The following CLSTN2 variants were observed in gnomAD, a reference collection of about 807,000 sequenced individuals.
CLSTN2 encodes the protein calsyntenin-2.
Under a neutral mutation model 101.2 loss-of-function variants are expected in CLSTN2, and 48 were observed. The observed-to-expected ratio is 0.47, with a 90% CI of 0.38 to 0.60. CLSTN2 has a LOEUF of 0.60. CLSTN2 is among the 20% of genes least tolerant of loss of function. The pLI, the probability that CLSTN2 is intolerant of heterozygous loss-of-function variation, is 0.00. For missense variants in CLSTN2, 1,160 were observed against 1,238.2 expected (o/e 0.94, Z 0.95); for synonymous variants, 481 against 463.6 (o/e 1.04, Z -0.48).
intron 1 of CLSTN2, among the ~76,000 whole-genome samples, chr3:139,965,354 C>T (rs1296576882): frequency 6.6e-6 from 1 of 152,138 alleles, no homozygotes; most frequent in Non-Finnish European, 1.5e-5. Flanking sequence ...GGCATTTGTA[C>T]TTCTGAGAAA....
At position 140,262,276 on chromosome 3, in the gene CLSTN2, G is replaced by A. The variant is rs147023163; in HGVS notation, c.232+86203G>A. On this transcript the variant is annotated intron_variant, in intron 2 of 16. Transcript: ENST00000458420. ...AGCTCAGCATGTGAGTGGTGAAGCT[G>A]GCCTTCCAGAGGAATGAAGACATTG... 1.5e-3 allele frequency among the ~76,000 whole-genome samples: 221 copies of A among 152,282 alleles called. 1 individual carries two copies. The highest frequency in any genetic ancestry group is 5.2e-3 in the African/African-American group (215 of 41,544).
At chr3:140,485,245 T>C (rs1934212186) in intron 8 of CLSTN2, among the ~76,000 whole-genome samples, 1 of 152,224 alleles carries the variant, frequency 6.6e-6, no homozygotes, top group Non-Finnish European at 1.5e-5. Flanking sequence ...TTCCTGGGTA[T>C]CAGCAGCAGA....
At chr3:140,496,497 A>G (rs894953061) in intron 8 of CLSTN2, among the ~76,000 whole-genome samples, 3 of 152,122 alleles carry the variant, frequency 2.0e-5, no homozygotes, top group Non-Finnish European at 4.4e-5. Context: ...CTTCCAATAC[A>G]ATGTTGAATA....
chr3:140,056,255 A>G (rs921985498), intron 1 of CLSTN2, among the ~76,000 whole-genome samples: 11 of 152,222 alleles, frequency 7.2e-5, no homozygotes, highest in Admixed American at 2.0e-4. Context: ...CACCTAGCAC[A>G]GTGCCTGGTA....
chr3:140,039,958 T>C (rs1477052568), intron 1 of CLSTN2, among the ~76,000 whole-genome samples: 1 of 152,206 alleles, frequency 6.6e-6, no homozygotes, highest in East Asian at 1.9e-4. Context: ...ATCTGAACTT[T>C]CCTTATTTTA....
chr3:140,023,139 G>T (rs777879168), intron 1 of CLSTN2, among the ~76,000 whole-genome samples: 31 of 152,152 alleles, frequency 2.0e-4, no homozygotes, highest in Non-Finnish European at 3.8e-4. Flanking sequence ...TCGTTTCACT[G>T]ATCTCACCCC....
chr3:140,552,304 T>A (rs1436386084), intron 10 of CLSTN2, among the ~76,000 whole-genome samples: 4 of 151,414 alleles, frequency 2.6e-5, no homozygotes, highest in Non-Finnish European at 5.9e-5. Flanking sequence ...CTGGGTCCCC[T>A]AGCATGTCAC....
chr3:140,281,171 C>G (rs1164131698), intron 2 of CLSTN2, among the ~76,000 whole-genome samples: 2 of 152,164 alleles, frequency 1.3e-5, no homozygotes, highest in Non-Finnish European at 2.9e-5. Context: ...AAATCTCATT[C>G]AAAGCAAGAT....
chr3:140,176,666 G>A (rs1459675769), intron 2 of CLSTN2, among the ~76,000 whole-genome samples: 1 of 152,246 alleles, frequency 6.6e-6, no homozygotes, highest in African/African-American at 2.4e-5. Context: ...TCGAGGGGTA[G>A]GCCCCAGGAG....
intron 2 of CLSTN2, among the ~76,000 whole-genome samples, chr3:140,204,692 T>G (rs2107843195): frequency 6.6e-6 from 1 of 152,136 alleles, no homozygotes; most frequent in Non-Finnish European, 1.5e-5. Flanking sequence ...TGCCCAAATG[T>G]CCCTGCCTGG....
intron 1 of CLSTN2, among the ~76,000 whole-genome samples, chr3:140,104,493 C>A (rs1455915577): frequency 6.6e-6 from 1 of 152,226 alleles, no homozygotes; most frequent in East Asian, 1.9e-4. Flanking sequence ...TTGGCTAAGA[C>A]TATAGTAGTG....
chr3:140,033,495 C>T lies in CLSTN2; in HGVS notation c.109+98012C>T, dbSNP rs1162758801. On this transcript the variant is annotated intron_variant, in intron 1 of 16. Coordinates refer to ENST00000458420, the MANE Select transcript of CLSTN2 (RefSeq NM_022131.3). ...ATGTCCTCCCCAGAGGCCATTAGCA[C>T]ATATTAAGTGTGTGTGCAAAATACC... is the stretch of plus-strand genomic sequence containing the variant. Among the ~76,000 whole-genome samples the T allele has an allele frequency of 3.3e-5, 5 of 152,320 alleles. No individual in the cohort carries two copies. The East Asian group carries it at 9.6e-4, about 29-fold the overall frequency.
At chr3:140,247,301 A>G (rs1225066360) in intron 2 of CLSTN2, among the ~76,000 whole-genome samples, 1 of 152,178 alleles carries the variant, frequency 6.6e-6, no homozygotes, top group Non-Finnish European at 1.5e-5. Flanking sequence ...AAGCTCATCC[A>G]GGTTTTCTTG....
chr3:139,975,656 A>G (rs900264829), intron 1 of CLSTN2, among the ~76,000 whole-genome samples: 1 of 152,194 alleles, frequency 6.6e-6, no homozygotes. Flanking sequence ...ACACAACTTC[A>G]TGAAGACAGG....
intron 2 of CLSTN2, among the ~76,000 whole-genome samples, chr3:140,388,182 A>T (rs562623700): frequency 6.6e-6 from 1 of 152,382 alleles, no homozygotes; most frequent in East Asian, 1.9e-4. Context: ...AAAGTGCGGC[A>T]GCAAGAAATC....
At chr3:140,033,682 G>A (rs1184996583) in intron 1 of CLSTN2, among the ~76,000 whole-genome samples, 2 of 152,216 alleles carry the variant, frequency 1.3e-5, no homozygotes, top group African/African-American at 4.8e-5. Context: ...ATATTCTTCA[G>A]GGTTCCTGGC....
At chr3:140,271,532 A>G (rs949651740) in intron 2 of CLSTN2, among the ~76,000 whole-genome samples, 7 of 152,172 alleles carry the variant, frequency 4.6e-5, no homozygotes, top group African/African-American at 1.7e-4. Flanking sequence ...CCCATTTCTT[A>G]TAGATGGCAC....
chr3:140,524,173 G>T (rs1935090104), intron 8 of CLSTN2, among the ~76,000 whole-genome samples: 1 of 152,252 alleles, frequency 6.6e-6, no homozygotes, highest in African/African-American at 2.4e-5. Flanking sequence ...AGGGATCACA[G>T]GAGAGGGAGC....
At position 140,506,940 on chromosome 3, in the gene CLSTN2, C is replaced by T. The variant is rs186870601; in HGVS notation, c.1345-25384C>T. ...TATTAAATTCACCTGTTTCTTTTTA[C>T]TTTTCTAATATGGCTACTGGAAAAT... On this transcript the variant is annotated intron_variant, in intron 8 of 16. Transcript: ENST00000458420. 5 of 152,284 alleles carry T rather than the reference C, an allele frequency of 3.3e-5. No homozygotes were observed. In the East Asian group the frequency reaches 9.6e-4, roughly 29 times the overall value. The allele number at this position is 152,284 out of a possible 1,614,324, so 9.4% of individuals were successfully genotyped here.
Sources: gnomAD v4.1 joint callset for allele counts (sites outside exome capture counted in the v4.1 genomes callset) on GRCh38, gnomAD v4.1.1 for gene constraint, MANE v1.5 for transcripts, NCBI Gene and HGNC (gene_info 2026-07-23, HGNC 2026-07-21) for gene names.